VAV2: variants seen among roughly 807,000 people sequenced by gnomAD.
VAV2 encodes vav guanine nucleotide exchange factor 2, also known as guanine nucleotide exchange factor VAV2.
VAV2 carries 67 observed loss-of-function variants against 132.5 expected under a neutral mutation model. The observed-to-expected ratio is 0.51, with a 90% CI of 0.42 to 0.62. VAV2 has a LOEUF of 0.62. VAV2 is among the 20% of genes least tolerant of loss of function. The probability of loss-of-function intolerance (pLI) is 0.00; values close to 1 mark genes in which losing one functional copy is unlikely to be tolerated. For missense variants in VAV2, 938 were observed against 1,153.6 expected (o/e 0.81, Z 2.71); for synonymous variants, 492 against 443.5 (o/e 1.11, Z -1.37).
At chr9:133,766,642 C>T (rs1048418087) in intron 29 of VAV2, among the ~76,000 whole-genome samples, 1 of 151,674 alleles carries the variant, frequency 6.6e-6, no homozygotes, top group African/African-American at 2.4e-5. Flanking sequence ...CATTAGGAGA[C>T]ATACCTAATG....
chr9:133,786,536 C>A (rs1398393118), intron 16 of VAV2, among the ~76,000 whole-genome samples: 3 of 143,026 alleles, frequency 2.1e-5, no homozygotes, highest in African/African-American at 7.3e-5. Context: ...CCACCCAGGG[C>A]CCCTCCACGA....
chr9:133,856,582 C>T (rs559756262), intron 3 of VAV2, among the ~76,000 whole-genome samples: 1 of 152,316 alleles, frequency 6.6e-6, no homozygotes, highest in African/African-American at 2.4e-5. Flanking sequence ...TCTGCTCCTG[C>T]TCTAACAGGT....
intron 2 of VAV2, among the ~76,000 whole-genome samples, chr9:133,871,035 G>A (rs903111397): frequency 1.3e-5 from 2 of 149,484 alleles, no homozygotes; most frequent in African/African-American, 4.9e-5. Context: ...TGGATGGATG[G>A]GCAGACAGGT....
intron 2 of VAV2, among the ~76,000 whole-genome samples, chr9:133,870,196 T>C (rs1373329081): frequency 2.6e-5 from 4 of 152,160 alleles, no homozygotes; most frequent in Non-Finnish European, 2.9e-5. Flanking sequence ...AGCCAGTGCA[T>C]TGGGCAATGG....
intron 4 of VAV2, among the ~76,000 whole-genome samples, chr9:133,825,116 G>A: frequency 6.9e-6 from 1 of 144,066 alleles, no homozygotes; most frequent in East Asian, 2.2e-4. Flanking sequence ...TGCAAATGAG[G>A]CACCACGGCC....
intron 1 of VAV2, among the ~76,000 whole-genome samples, chr9:133,976,320 G>C (rs1226569660): frequency 1.3e-5 from 2 of 152,214 alleles, no homozygotes; most frequent in Non-Finnish European, 2.9e-5. Context: ...GGAGGCGACA[G>C]TGAGATCCTG....
rs1033729315 is a variant in VAV2 at position 133,958,627 on chromosome 9, C to T, written c.205-19408G>A. On this transcript the variant is annotated intron_variant, in intron 1 of 29. Coordinates refer to ENST00000371850, the MANE Select transcript of VAV2 (RefSeq NM_001134398.2). The stretch of plus-strand genomic sequence containing the variant: ...CTCCATATGCTGAACGCTGGTTCCC[C>T]GGGCCCCCTTATTTCTTTCTCTATA... Among the ~76,000 whole-genome samples, 5 of 151,244 alleles carry T rather than the reference C, an allele frequency of 3.3e-5. No homozygotes were observed. The East Asian group carries it at 5.8e-4, about 18-fold the overall frequency.
chr9:133,914,996 G>A (rs1228829570), intron 2 of VAV2, among the ~76,000 whole-genome samples: 1 of 152,112 alleles, frequency 6.6e-6, no homozygotes, highest in Non-Finnish European at 1.5e-5. Context: ...TCGCACGGGG[G>A]GAAGGACCTG....
At chr9:133,770,285 T>G in intron 27 of VAV2, 93 bp downstream of exon 27, 46 of 1,572,736 alleles carry the variant, frequency 2.9e-5, no homozygotes, top group Non-Finnish European at 3.9e-5. Context: ...ACTCCTGGTC[T>G]GGGTCTGTGA....
chr9:133,849,613 G>A (rs779246748), intron 3 of VAV2, among the ~76,000 whole-genome samples: 1 of 152,186 alleles, frequency 6.6e-6, no homozygotes, highest in Non-Finnish European at 1.5e-5. Context: ...CTTCTCTCCA[G>A]TTCTCCCAGT....
chr9:133,790,505 C>A lies in VAV2; in HGVS notation c.1189-1162G>T, dbSNP rs560995198. Among the ~76,000 whole-genome samples the A allele has an allele frequency of 1.3e-4, 20 of 152,306 alleles. No homozygotes were observed. The South Asian group carries it at 4.1e-3, about 32-fold the overall frequency. ...CTTGCTGTTTAATGAACAAGTATTA[C>A]TTCTATGTAAAAACTTAAAAAACAA... On this transcript the variant is annotated intron_variant, in intron 13 of 29. Coordinates refer to ENST00000371850, the MANE Select transcript of VAV2 (RefSeq NM_001134398.2).
chr9:133,779,369 G>A (rs1171233343), intron 21 of VAV2, among the ~76,000 whole-genome samples: 2 of 152,222 alleles, frequency 1.3e-5, no homozygotes, highest in Non-Finnish European at 2.9e-5. Context: ...AGCCCTGCCT[G>A]TAGCTCTCAA....
Position 133,834,234 on chromosome 9 carries a change from CCCT to C in VAV2, c.449+35_449+37del. 1 of 1,582,014 alleles carries C rather than the reference CCCT, an allele frequency of 6.3e-7. No homozygotes were observed. The highest frequency in any genetic ancestry group is 8.6e-7 in the Non-Finnish European group (1 of 1,161,318). Reference sequence around the variant, plus strand: ...CACCACCAGGAACCTCCCTGCCCCTCCCTCCTCTCCATCCCTCCTCCCATCCCC... The same window carrying C: ...CACCACCAGGAACCTCCCTGCCCCTCCCTCTCCATCCCTCCTCCCATCCCC... On this transcript the variant is annotated intron_variant, in intron 4 of 29. Transcript: ENST00000371850. This position sits in a 1 kb window ranked among gnomAD's most constrained non-coding sequence, Gnocchi z 5.9.
chr9:133,954,295 G>A (rs1841670449), intron 1 of VAV2, among the ~76,000 whole-genome samples: 1 of 152,212 alleles, frequency 6.6e-6, no homozygotes, highest in Non-Finnish European at 1.5e-5. Flanking sequence ...AGCACCTGCT[G>A]AGGGCCTGCG....
At chr9:133,930,653 C>A (rs907718780) in intron 2 of VAV2, among the ~76,000 whole-genome samples, 2 of 152,260 alleles carry the variant, frequency 1.3e-5, no homozygotes, top group Non-Finnish European at 2.9e-5. Context: ...GCAGAGCACA[C>A]GTGAGATGCA....
At chr9:133,852,192 G>T (rs1046531152) in intron 3 of VAV2, among the ~76,000 whole-genome samples, 1 of 151,640 alleles carries the variant, frequency 6.6e-6, no homozygotes, top group Non-Finnish European at 1.5e-5. Flanking sequence ...ATGAGGGGAC[G>T]GATGGACAGA....
intron 2 of VAV2, among the ~76,000 whole-genome samples, chr9:133,868,762 CCT>C (rs1837908987): frequency 6.6e-6 from 1 of 152,234 alleles, no homozygotes. Context: ...CACAGCTTCC[CCT>C]GCTACTTGGG....
In VAV2 at chr9:133,919,122, C is replaced by T. The variant is rs1840208065; in HGVS notation, c.321+19981G>A. 6.6e-6 allele frequency among the ~76,000 whole-genome samples: 1 copy of T among 152,138 alleles called. No individual in the cohort carries two copies. ...CCACATCCCATCCTCACACTTTCTT[C>T]ACTGACCTAGCTCCGCCCTCTCCAT... On this transcript the variant is annotated intron_variant, in intron 2 of 29. Coordinates refer to ENST00000371850, the MANE Select transcript of VAV2 (RefSeq NM_001134398.2). The surrounding 1 kb of genome is among the most constrained non-coding windows in gnomAD (Gnocchi z 5.8).
At chr9:133,825,232 G>A (rs938540229) in intron 4 of VAV2, among the ~76,000 whole-genome samples, 6 of 152,046 alleles carry the variant, frequency 3.9e-5, no homozygotes, top group African/African-American at 2.4e-5. Flanking sequence ...TTCTGTCCCG[G>A]CCATCACCCG....
Sources: gnomAD v4.1 joint callset for allele counts (sites outside exome capture counted in the v4.1 genomes callset) on GRCh38, gnomAD v4.1.1 for gene constraint, Gnocchi (gnomAD v3.1) non-coding constraint, MANE v1.5 for transcripts, NCBI Gene and HGNC (gene_info 2026-07-23, HGNC 2026-07-21) for gene names.